Variants in TMEM232 observed in about 807,000 individuals in gnomAD.
The protein encoded by TMEM232 is transmembrane protein 232.
In TMEM232, 80 loss-of-function variants were observed where a neutral mutation model predicts 78.8. The ratio of observed to expected loss-of-function variants is 1.01; its 90% confidence interval spans 0.85 to 1.22. TMEM232 has a LOEUF of 1.22. Ranked by LOEUF, TMEM232 falls within the 50% of genes most tolerant of loss-of-function variation. TMEM232 has a pLI of 0.00. For synonymous variants in TMEM232, 297 were observed against 254.3 expected (o/e 1.17, Z -1.60); for missense variants, 881 against 742.2 (o/e 1.19, Z -2.17).
intron 10 of TMEM232, among the ~76,000 whole-genome samples, chr5:110,597,738 A>C (rs1400907628): frequency 6.6e-6 from 1 of 151,728 alleles, no homozygotes; most frequent in South Asian, 2.1e-4. Context: ...ATCTTTGACA[A>C]ACCTGAGAAA....
intron 11 of TMEM232, among the ~76,000 whole-genome samples, chr5:110,562,236 T>C (rs1775834397): frequency 6.6e-6 from 1 of 152,072 alleles, no homozygotes; most frequent in Non-Finnish European, 1.5e-5. Context: ...ACCACCTAAG[T>C]CTCCATCACC....
intron 7 of TMEM232, among the ~76,000 whole-genome samples, chr5:110,620,259 G>C (rs2149901275): frequency 6.6e-6 from 1 of 152,152 alleles, no homozygotes. Context: ...ACACAGCCAG[G>C]TTATTTTGAT....
chr5:110,524,360 AAAAAAAG>A (rs1231127417), intron 12 of TMEM232, among the ~76,000 whole-genome samples: 4 of 114,028 alleles, frequency 3.5e-5, no homozygotes, highest in African/African-American at 1.0e-4. Context: ...AGAAAGAAAG[AAAAAAAG>A]AAAGAAAGAA....
chr5:110,676,164 C>T (rs1791998203), intron 1 of TMEM232, among the ~76,000 whole-genome samples: 1 of 152,126 alleles, frequency 6.6e-6, no homozygotes, highest in South Asian at 2.1e-4. Context: ...GTTATGCATT[C>T]CTCCATCAAT....
At chr5:110,424,039 C>A (rs1287346580) in intron 13 of TMEM232, among the ~76,000 whole-genome samples, 1 of 152,002 alleles carries the variant, frequency 6.6e-6, no homozygotes, top group African/African-American at 2.4e-5. Context: ...CTCCAAAGCC[C>A]AATACTTATA....
intron 12 of TMEM232, among the ~76,000 whole-genome samples, chr5:110,514,891 G>A (rs775600564): frequency 2.0e-5 from 3 of 152,082 alleles, no homozygotes; most frequent in Non-Finnish European, 4.4e-5. Flanking sequence ...GAGGTTCAAG[G>A]CCTAGAAAAA....
intron 1 of TMEM232, among the ~76,000 whole-genome samples, chr5:110,708,689 C>A (rs1237461952): frequency 6.6e-6 from 1 of 151,986 alleles, no homozygotes; most frequent in Non-Finnish European, 1.5e-5. Flanking sequence ...ACAGTATTTG[C>A]AAGCCTAATG....
intron 1 of TMEM232, among the ~76,000 whole-genome samples, chr5:110,706,424 T>C (rs2443511): frequency 0.7 from 105,642 of 151,920 alleles, 38,826 homozygotes; most frequent in Middle Eastern, 0.82. Flanking sequence ...TTTCTAATGT[T>C]TCTATGTTAC....
chr5:110,416,689 G>GT (rs1180812355), downstream of TMEM232, among the ~76,000 whole-genome samples: 1 of 152,110 alleles, frequency 6.6e-6, no homozygotes, highest in African/African-American at 2.4e-5. Flanking sequence ...TACAGAGAAG[G>GT]TTTTTACTGG....
chr5:110,596,498 TC>T (rs1399472739), intron 10 of TMEM232, among the ~76,000 whole-genome samples: 3 of 152,162 alleles, frequency 2.0e-5, no homozygotes, highest in African/African-American at 7.2e-5. Flanking sequence ...GAGGGAATCC[TC>T]CCTAACTCAT....
intron 1 of TMEM232, among the ~76,000 whole-genome samples, chr5:110,698,754 T>A (rs1795098817): frequency 6.6e-6 from 1 of 152,066 alleles, no homozygotes; most frequent in Non-Finnish European, 1.5e-5. Flanking sequence ...ATCCCTTTGT[T>A]CTAAATTGCT....
At chr5:110,524,483 A>G (rs1278822864) in intron 12 of TMEM232, among the ~76,000 whole-genome samples, 1 of 152,096 alleles carries the variant, frequency 6.6e-6, no homozygotes, top group African/African-American at 2.4e-5. Context: ...AATTCTACAT[A>G]TTTGTGAATG....
Position 110,479,601 on chromosome 5 carries a change from T to C in TMEM232, c.1703+48987A>G, listed in dbSNP as rs184575193. On this transcript the variant is annotated intron_variant, in intron 12 of 13. Transcript: ENST00000455884. ...ATCAACAGTATTTTGCATGTAATTA[T>C]AGTCTGATCATTCTCATTTTATTAA... Among the ~76,000 whole-genome samples the C allele has an allele frequency of 8.0e-4, 121 of 152,006 alleles. 1 individual carries two copies. The highest frequency in any genetic ancestry group is 2.9e-3 in the African/African-American group (119 of 41,562).
intron 12 of TMEM232, among the ~76,000 whole-genome samples, chr5:110,432,736 C>G (rs992848455): frequency 6.6e-6 from 1 of 151,632 alleles, no homozygotes. Flanking sequence ...CTTTAAGAGA[C>G]AAACCCACCT....
chr5:110,529,936 G>C (rs1771182306), intron 11 of TMEM232, among the ~76,000 whole-genome samples: 1 of 152,092 alleles, frequency 6.6e-6, no homozygotes, highest in Non-Finnish European at 1.5e-5. Context: ...GTCGGATACT[G>C]CCTTTTATCA....
At position 110,627,780 on chromosome 5, in the gene TMEM232, C is replaced by A. The variant is rs770605044; in HGVS notation, c.601+1G>T. On this transcript the variant is annotated splice_donor_variant, in intron 6 of 13. Coordinates refer to ENST00000455884, the MANE Select transcript of TMEM232 (RefSeq NM_001039763.4). LOFTEE classifies it high-confidence loss of function. The stretch of plus-strand genomic sequence containing the variant: ...AAGTGTAAAAATAAAAGATATTCTA[C>A]CGTATAAATATGGTTGAAGCCTAAG... 1.4e-6 allele frequency: 2 copies of A among 1,462,988 alleles called. No individual in the cohort carries two copies. Among genetic ancestry groups the A allele is most frequent in the African/African-American group, 1.4e-5 (1 of 69,068 alleles). The allele number at this position is 1,462,988 out of a possible 1,614,324, so 90.6% of individuals were successfully genotyped here.
At chr5:110,485,352 T>C (rs1460261904) in intron 12 of TMEM232, among the ~76,000 whole-genome samples, 3 of 152,136 alleles carry the variant, frequency 2.0e-5, no homozygotes, top group Non-Finnish European at 4.4e-5. Flanking sequence ...AGGTGGTATT[T>C]GGTTACATGA....
intron 1 of TMEM232, among the ~76,000 whole-genome samples, chr5:110,676,160 C>T (rs1468852037): frequency 6.6e-6 from 1 of 152,158 alleles, no homozygotes; most frequent in Non-Finnish European, 1.5e-5. Context: ...TTTTGTTATG[C>T]ATTCCTCCAT....
intron 1 of TMEM232, among the ~76,000 whole-genome samples, chr5:110,678,349 GC>G (rs1252730242): frequency 6.6e-6 from 1 of 152,138 alleles, no homozygotes; most frequent in Non-Finnish European, 1.5e-5. Flanking sequence ...ACAGGTGTGA[GC>G]CACCATGCCT....
Sources: gnomAD v4.1 joint callset for allele counts (sites outside exome capture counted in the v4.1 genomes callset) on GRCh38, gnomAD v4.1.1 for gene constraint, MANE v1.5 for transcripts, NCBI Gene and HGNC (gene_info 2026-07-23, HGNC 2026-07-21) for gene names.